DIP2C: variants seen among roughly 807,000 people sequenced by gnomAD.
The protein encoded by DIP2C is disco-interacting protein 2 homolog C.
A neutral mutation model predicts 192.4 loss-of-function variants in DIP2C; 33 were observed. The ratio of observed to expected loss-of-function variants is 0.17; its 90% CI spans 0.13 to 0.23. The LOEUF (loss-of-function observed/expected upper bound fraction) is 0.23. Ranked by LOEUF, DIP2C falls within the 10% of genes least tolerant of loss-of-function variation. The pLI, the probability that DIP2C is intolerant of heterozygous loss-of-function variation, is 1.00. For missense variants in DIP2C, 1,537 were observed against 2,110.1 expected (o/e 0.73, Z 5.32); for synonymous variants, 979 against 864.1 (o/e 1.13, Z -2.33).
intron 32 of DIP2C, among the ~76,000 whole-genome samples, chr10:298,321 G>A (rs566137268): frequency 1.4e-4 from 21 of 152,284 alleles, no homozygotes; most frequent in Admixed American, 6.5e-4. Context: ...GGGTAGACAC[G>A]GATCACAGGC....
intron 1 of DIP2C, among the ~76,000 whole-genome samples, chr10:489,469 T>G (rs1166257053): frequency 6.6e-6 from 1 of 152,252 alleles, no homozygotes; most frequent in Non-Finnish European, 1.5e-5. Context: ...GCTGGCTGAC[T>G]ACACAGTATC....
Position 373,763 on chromosome 10 carries a change from C to A in DIP2C, c.1992-4130G>T, listed in dbSNP as rs180883177. Among the ~76,000 whole-genome samples, 6 of 152,286 alleles carry A rather than the reference C, an allele frequency of 3.9e-5. No homozygotes were observed. In the East Asian group the frequency reaches 5.8e-4, roughly 15 times the overall value. On this transcript the variant is annotated intron_variant, in intron 17 of 36. Coordinates refer to ENST00000280886, the MANE Select transcript of DIP2C (RefSeq NM_014974.3). The stretch of plus-strand genomic sequence containing the variant: ...ATCCTGAGTTAAAAGAACCTGCTCT[C>A]CATTATCTCAAGCAGAATATGTTCC...
intron 4 of DIP2C, among the ~76,000 whole-genome samples, chr10:423,583 T>A (rs529444833): frequency 6.6e-6 from 1 of 152,118 alleles, no homozygotes; most frequent in African/African-American, 2.4e-5. Context: ...TAGATAACCA[T>A]GCAGCTGATT....
chr10:586,675 A>C (rs11253265), intron 1 of DIP2C, among the ~76,000 whole-genome samples: 7,602 of 152,242 alleles, frequency 0.05, 232 homozygotes, highest in East Asian at 0.081. Flanking sequence ...ACTGGGAAAA[A>C]CACCATCTCA....
intron 1 of DIP2C, among the ~76,000 whole-genome samples, chr10:680,269 G>A (rs1231519884): frequency 6.6e-6 from 1 of 152,100 alleles, no homozygotes; most frequent in African/African-American, 2.4e-5. Flanking sequence ...GTGCTTTACC[G>A]TCCCAGCATG....
chr10:662,917 A>C (rs1247019792), intron 1 of DIP2C: 2 of 717,360 alleles, frequency 2.8e-6, no homozygotes, highest in African/African-American at 3.5e-5. Flanking sequence ...CTCTCGGGAG[A>C]GGTGGATGTA....
chr10:312,029 G>T (rs1293689505), intron 31 of DIP2C, among the ~76,000 whole-genome samples: 2 of 152,196 alleles, frequency 1.3e-5, no homozygotes, highest in Non-Finnish European at 2.9e-5. Flanking sequence ...ACACCTGCAA[G>T]TAGGGCACTA....
chr10:508,278 CCA>C (rs1267971518), intron 1 of DIP2C, among the ~76,000 whole-genome samples: 1 of 152,194 alleles, frequency 6.6e-6, no homozygotes, highest in African/African-American at 2.4e-5. Flanking sequence ...CTCACCCACT[CCA>C]GAGCAGCATC....
intron 2 of DIP2C, among the ~76,000 whole-genome samples, chr10:481,934 G>A (rs1843642693): frequency 6.6e-6 from 1 of 152,218 alleles, no homozygotes; most frequent in Non-Finnish European, 1.5e-5. Context: ...CAGGCAGCCG[G>A]GGCCTCAGGT....
At chr10:288,525 G>A in intron 32 of DIP2C, 104 bp from the exon 33 acceptor site, 2 of 1,202,642 alleles carry the variant, frequency 1.7e-6, no homozygotes, top group South Asian at 1.3e-5. Context: ...CGGGAAAGCT[G>A]ATTCTGAGCA....
chr10:390,306 G>A lies in DIP2C; in HGVS notation c.1452C>T (p.Phe484=). ...KHLSKPPRDW[F]PHIKDANNDT... ...CGTTATTGGCATCTTTAATGTGTGG[G>A]AACCAGTCTCGGGGCGGTTTGGAGA... Residue 484 remains phenylalanine (F), a synonymous_variant, in exon 12 of 37, where the codon TTC becomes TTT. Coordinates refer to ENST00000280886, the MANE Select transcript of DIP2C (RefSeq NM_014974.3). 2.5e-6 allele frequency: 4 copies of A among 1,614,004 alleles called. No homozygotes were observed. Among genetic ancestry groups the A allele is most frequent in the Non-Finnish European group, 3.4e-6 (4 of 1,180,026 alleles).
chr10:477,748 AG>A (rs1843178608), intron 2 of DIP2C, among the ~76,000 whole-genome samples: 1 of 106,826 alleles, frequency 9.4e-6, no homozygotes, highest in African/African-American at 2.8e-5. Flanking sequence ...AGAACGAGAA[AG>A]AAAAGGAGAG....
chr10:366,884 A>G (rs962349773), intron 18 of DIP2C, among the ~76,000 whole-genome samples: 6 of 152,150 alleles, frequency 3.9e-5, no homozygotes, highest in Non-Finnish European at 1.5e-5. Context: ...ACACGGTTCA[A>G]TGCTGATAAG....
At chr10:398,916 A>C (rs998420748) in intron 10 of DIP2C, among the ~76,000 whole-genome samples, 193 bp downstream of exon 10, 11 of 152,168 alleles carry the variant, frequency 7.2e-5, no homozygotes, top group African/African-American at 2.2e-4. Context: ...TTGACCCCAA[A>C]GCAAGCTGTG....
intron 1 of DIP2C, among the ~76,000 whole-genome samples, chr10:575,109 G>A (rs144906539): frequency 6.6e-6 from 1 of 152,152 alleles, no homozygotes; most frequent in African/African-American, 2.4e-5. Flanking sequence ...GCTCACTACA[G>A]CTAATATCAC....
At chr10:409,679 G>A (rs1255996106) in intron 8 of DIP2C, among the ~76,000 whole-genome samples, 2 of 152,228 alleles carry the variant, frequency 1.3e-5, no homozygotes, top group African/African-American at 4.8e-5. Flanking sequence ...CCGGTCTCAC[G>A]TGAATGTGAG....
chr10:309,810 C>T (rs941323168), intron 32 of DIP2C, among the ~76,000 whole-genome samples: 4 of 152,096 alleles, frequency 2.6e-5, no homozygotes, highest in African/African-American at 9.7e-5. Context: ...CTCAGCCTCC[C>T]AAATACCTGG....
At chr10:634,401 G>A (rs1221943794) in intron 1 of DIP2C, among the ~76,000 whole-genome samples, 1 of 152,244 alleles carries the variant, frequency 6.6e-6, no homozygotes, top group Non-Finnish European at 1.5e-5. Flanking sequence ...TCAGCTCAGA[G>A]TTGGAAGTAG....
chr10:334,431 G>A (rs955846489), intron 29 of DIP2C, among the ~76,000 whole-genome samples: 2 of 147,438 alleles, frequency 1.4e-5, no homozygotes, highest in Non-Finnish European at 3.0e-5. Context: ...TCTGTCTTTT[G>A]ATATACAAAA....
Sources: allele counts gnomAD v4.1 joint callset (sites outside exome capture counted in the v4.1 genomes callset), GRCh38; gene constraint gnomAD v4.1.1; transcripts MANE v1.5; gene names NCBI Gene and HGNC (gene_info 2026-07-23, HGNC 2026-07-21).